ELAC2: variants seen among roughly 807,000 people sequenced by gnomAD.
The protein encoded by ELAC2 is zinc phosphodiesterase ELAC protein 2.
A neutral mutation model predicts 105.2 loss-of-function variants in ELAC2; 92 were observed. That is an observed-to-expected ratio of 0.87 (90% CI 0.74 to 1.04). ELAC2 has a LOEUF of 1.04. Among genes scored for constraint, ELAC2 ranks in the 50% least tolerant of loss-of-function variants. The pLI, the probability that ELAC2 is intolerant of heterozygous loss-of-function variation, is 0.00. For synonymous variants in ELAC2, 468 were observed against 409.1 expected, an observed-to-expected ratio of 1.14 and a Z score of -1.74; for missense variants, 1,099 against 1,071.7, an observed-to-expected ratio of 1.03 and a Z score of -0.36.
rs1158168166 is a variant in ELAC2 at position 13,005,932 on chromosome 17, C to A, written c.786G>T (p.Met262Ile). ...GNFLVLKAKE[M>I]GLPVGTAAIA... ...CCCCCCACACTCACACTGGGAGGCCCATCTCCTTTGCTTTGAGCACCAAGA... is the reference window on the plus strand; with the variant it reads ...CCCCCCACACTCACACTGGGAGGCCAATCTCCTTTGCTTTGAGCACCAAGA... The change falls in exon 9 of 24, where the codon ATG becomes ATT. Residue 262 changes from methionine to isoleucine, a missense_variant. Physicochemically the swap from Met to Ile is conservative, Grantham distance 10. Coordinates refer to ENST00000338034, the MANE Select transcript of ELAC2 (RefSeq NM_018127.7). 1 of 1,614,210 alleles carries A rather than the reference C, an allele frequency of 6.2e-7. No individual in the cohort carries two copies. The highest frequency in any genetic ancestry group is 8.5e-7 in the Non-Finnish European group (1 of 1,180,038).
intron 3 of ELAC2, among the ~76,000 whole-genome samples, chr17:13,016,308 C>A (rs747286450): frequency 2.6e-5 from 4 of 152,184 alleles, no homozygotes; most frequent in African/African-American, 9.7e-5. Flanking sequence ...ATGGCGTCTG[C>A]GGTAAACATA....
chr17:12,998,790 G>C lies in ELAC2; in HGVS notation c.1424-282C>G, dbSNP rs540766296. ...GAATGGATTTGTTCCCAGGAGAGGG[G>C]GGTTGTTATAAAGCCAGAGTGCAGC... On this transcript the variant is annotated intron_variant, in intron 15 of 23. Transcript: ENST00000338034. Among the ~76,000 whole-genome samples, 10 of 152,218 alleles carry C rather than the reference G, an allele frequency of 6.6e-5. No individual in the cohort carries two copies. The East Asian group carries it at 1.9e-3, about 29-fold the overall frequency.
chr17:12,994,373 T>G (rs2040358297), intron 22 of ELAC2, 52 bp downstream of exon 22: 4 of 1,595,976 alleles, frequency 2.5e-6, no homozygotes, highest in Admixed American at 3.3e-5. Context: ...CAGTGTCACG[T>G]AGTGGGGGAG....
chr17:12,994,900 T>C lies in ELAC2; in HGVS notation c.1909-16A>G, dbSNP rs747362755. 4.3e-6 allele frequency: 7 copies of C among 1,613,994 alleles called. No individual in the cohort carries two copies. The highest frequency in any genetic ancestry group is 3.3e-5 in the Admixed American group (2 of 60,004). ...AGGTCTGAAACTGAAAGGGTGGGGCTGGAGGGCTCTGCAGCTCTGCTCCCC... is the reference window on the plus strand; with the variant it reads ...AGGTCTGAAACTGAAAGGGTGGGGCCGGAGGGCTCTGCAGCTCTGCTCCCC... On this transcript the variant is annotated splice_polypyrimidine_tract_variant and intron_variant, in intron 20 of 23. Transcript: ENST00000338034.
chr17:13,015,657 C>T (rs568120851), intron 4 of ELAC2, 111 bp downstream of exon 4: 45 of 871,718 alleles, frequency 5.2e-5, no homozygotes, highest in African/African-American at 1.2e-4. Context: ...AGCGTTTCAA[C>T]GACCAGGTAT....
At chr17:12,995,881 C>A in intron 18 of ELAC2, 59 bp downstream of exon 18, 1 of 1,584,472 alleles carries the variant, frequency 6.3e-7, no homozygotes. Context: ...TGCCAAGAGG[C>A]ATGGCGGATG....
At chr17:12,996,803 C>T in intron 16 of ELAC2, 118 bp from the exon 17 acceptor site, 1 of 1,422,328 alleles carries the variant, frequency 7.0e-7, no homozygotes, top group Non-Finnish European at 9.6e-7. Flanking sequence ...GTCTCTCCTG[C>T]TTTGCTTTGA....
intron 14 of ELAC2, 42 bp from the exon 15 acceptor site, chr17:13,000,316 A>G (rs761308485): frequency 6.4e-7 from 1 of 1,572,058 alleles, no homozygotes. Context: ...CGGACAGGGT[A>G]TATGGCCTCA....
intron 8 of ELAC2, among the ~76,000 whole-genome samples, chr17:13,008,532 C>T (rs928069396): frequency 5.9e-5 from 9 of 151,780 alleles, no homozygotes; most frequent in Non-Finnish European, 1.5e-5. Context: ...AAAAAAGGTA[C>T]TTGCCGACTT....
chr17:13,003,200 C>A (rs2040917280), intron 12 of ELAC2, among the ~76,000 whole-genome samples: 1 of 152,232 alleles, frequency 6.6e-6, no homozygotes, highest in South Asian at 2.1e-4. Flanking sequence ...CTTATGGAAT[C>A]CTCAACCAAA....
intron 12 of ELAC2, among the ~76,000 whole-genome samples, chr17:13,003,066 C>G (rs982503342): frequency 6.6e-5 from 10 of 152,218 alleles, no homozygotes; most frequent in African/African-American, 2.2e-4. Context: ...CCCAGGGCTG[C>G]TGGCGACGAC....
Position 12,991,998 on chromosome 17 carries a change from A to C in ELAC2, c.*820T>G, listed in dbSNP as rs144304809. On this transcript the variant is annotated 3_prime_UTR_variant, in exon 24 of 24. Transcript: ENST00000338034. The stretch of plus-strand genomic sequence containing the variant: ...TCTCAAAACCTTCGAGGGCAAAGTG[A>C]TCCTCACTCCTCTCAGTATGGAAGC... 9.2e-3 allele frequency among the ~76,000 whole-genome samples: 1,404 copies of C among 152,284 alleles called. 19 individuals carry two copies. Among genetic ancestry groups the C allele is most frequent in the African/African-American group, 0.031 (1,304 of 41,548 alleles).
rs1906722530 is a variant in ELAC2 at position 13,011,915 on chromosome 17, CTAG to C, written c.560-136_560-134del. ...CCTTTTACTATACAGTAGGAAATAA[CTAG>C]TTAGTTAACTTCCTACCTGGTTTCT... On this transcript the variant is annotated intron_variant, in intron 6 of 23. Transcript: ENST00000338034. 3 of 1,402,954 alleles carry C rather than the reference CTAG, an allele frequency of 2.1e-6. No homozygotes were observed. The Admixed American group carries it at 5.8e-5, about 27-fold the overall frequency. The allele number at this position is 1,402,954 out of a possible 1,614,324, so 86.9% of individuals were successfully genotyped here.
chr17:13,017,531 C>G (rs1301829206), intron 1 of ELAC2, 172 bp downstream of exon 1: 1 of 1,304,172 alleles, frequency 7.7e-7, no homozygotes, highest in Non-Finnish European at 1.0e-6. Flanking sequence ...CCGCAGAAAT[C>G]ACATGGATGC....
chr17:12,994,831 C>T lies in ELAC2; in HGVS notation c.1962G>A (p.Val654=). Residue 654 remains valine, a synonymous_variant, in exon 21 of 24, where the codon GTG becomes GTA. Coordinates refer to ENST00000338034, the MANE Select transcript of ELAC2 (RefSeq NM_018127.7). ...HCKHAFGCAL[V]HTSGWKVVYS... is the part of the protein sequence containing the mutation. ...AGACCACTTTCCAGCCAGAGGTGTG[C>T]ACCAGCGCACAGCCAAACGCATGCT... 1 of 1,614,048 alleles carries T rather than the reference C, an allele frequency of 6.2e-7. No individual in the cohort carries two copies.
rs2041686014 is a variant in ELAC2, at chr17:13,015,801, A to C, written c.399T>G (p.Leu133=). 1 of 1,614,034 alleles carries C rather than the reference A, an allele frequency of 6.2e-7. No individual in the cohort carries two copies. Among genetic ancestry groups the C allele is most frequent in the Non-Finnish European group, 8.5e-7 (1 of 1,179,992 alleles). ...GAGGTCCAGAAAGTACACACTTTGG[A>C]AGCCCGGTTTCCTTTAAAGTAAGAA... ...GMILTLKETG[L]PKCVLSGPPQ... The change falls in exon 4 of 24, where the codon CTT becomes CTG. Residue 133 remains leucine (L), a synonymous_variant. Coordinates refer to ENST00000338034, the MANE Select transcript of ELAC2 (RefSeq NM_018127.7).
At chr17:12,995,856 CAATA>C (rs1420084534) in intron 18 of ELAC2, 44 bp from the exon 19 acceptor site, 2 of 1,587,286 alleles carry the variant, frequency 1.3e-6, no homozygotes, top group African/African-American at 2.7e-5. Context: ...CAGAACATCT[CAATA>C]AAAACTGGAG....
chr17:13,007,659 T>C (rs2041182996), intron 8 of ELAC2, among the ~76,000 whole-genome samples: 1 of 151,448 alleles, frequency 6.6e-6, no homozygotes, highest in South Asian at 2.1e-4. Context: ...AGGAGGATCA[T>C]TTGAGGTCAG....
intron 22 of ELAC2, 90 bp downstream of exon 22, chr17:12,994,335 A>T: frequency 1.4e-6 from 2 of 1,432,316 alleles, no homozygotes; most frequent in Non-Finnish European, 9.9e-7. Flanking sequence ...GGGCAGCCCC[A>T]CATCAGTGGA....
Sources: allele counts gnomAD v4.1 joint callset (sites outside exome capture counted in the v4.1 genomes callset), GRCh38; gene constraint gnomAD v4.1.1; transcripts MANE v1.5; gene names NCBI Gene and HGNC (gene_info 2026-07-23, HGNC 2026-07-21).